Variants in DENND2A observed in about 807,000 individuals in gnomAD.
DENND2A encodes the protein DENN domain containing 2A, also known as DENN domain-containing protein 2A.
DENND2A carries 53 observed loss-of-function variants against 105.3 expected under a neutral mutation model. That is an observed-to-expected ratio of 0.50 (90% CI 0.40 to 0.63). The LOEUF (loss-of-function observed/expected upper bound fraction) is 0.63. Among genes scored for constraint, DENND2A ranks in the 30% least tolerant of loss-of-function variants. The probability of loss-of-function intolerance (pLI) is 0.00; values close to 1 mark genes in which losing one functional copy is unlikely to be tolerated. For synonymous variants in DENND2A, 522 were observed against 508.4 expected (o/e 1.03, Z -0.36); for missense variants, 1,138 against 1,279.6 (o/e 0.89, Z 1.69).
At chr7:140,633,213 A>G (rs187905265) in intron 1 of DENND2A, among the ~76,000 whole-genome samples, 11 of 152,218 alleles carry the variant, frequency 7.2e-5, no homozygotes, top group Admixed American at 2.6e-4. Flanking sequence ...TATTTTTAGT[A>G]GAGATGGGGT....
At chr7:140,552,509 GCTCAGC>G (rs991985746) in intron 12 of DENND2A, among the ~76,000 whole-genome samples, 22 of 150,944 alleles carry the variant, frequency 1.5e-4, no homozygotes, top group African/African-American at 5.4e-4. Flanking sequence ...TCCTCCCACC[GCTCAGC>G]CTCCCAGGTA....
intron 1 of DENND2A, among the ~76,000 whole-genome samples, chr7:140,613,991 T>C (rs898805325): frequency 6.6e-6 from 1 of 152,206 alleles, no homozygotes; most frequent in Non-Finnish European, 1.5e-5. Context: ...TCACCTACCC[T>C]TCTCCCCTTT....
At chr7:140,561,245 T>C (rs1323156014) in intron 9 of DENND2A, among the ~76,000 whole-genome samples, 6 of 152,176 alleles carry the variant, frequency 3.9e-5, no homozygotes, top group Non-Finnish European at 8.8e-5. Flanking sequence ...TAATTATTTA[T>C]CTCATTATTA....
At chr7:140,539,572 C>T (rs1039439520) in intron 14 of DENND2A, among the ~76,000 whole-genome samples, 10 of 152,192 alleles carry the variant, frequency 6.6e-5, no homozygotes, top group South Asian at 2.1e-4. Context: ...GCTTTCCCTC[C>T]GTCCTCTCCA....
chr7:140,560,500 A>C (rs1797569788), intron 9 of DENND2A, among the ~76,000 whole-genome samples: 1 of 152,132 alleles, frequency 6.6e-6, no homozygotes, highest in African/African-American at 2.4e-5. Flanking sequence ...TATCTGACAT[A>C]TCAAAGACTG....
intron 18 of DENND2A, among the ~76,000 whole-genome samples, chr7:140,521,525 C>G (rs1016080526): frequency 1.3e-5 from 2 of 152,142 alleles, no homozygotes; most frequent in African/African-American, 4.8e-5. Context: ...GATCTGCATG[C>G]CTTGGCCTCC....
intron 6 of DENND2A, among the ~76,000 whole-genome samples, chr7:140,573,229 G>C (rs944124192): frequency 6.6e-6 from 1 of 152,182 alleles, no homozygotes; most frequent in Non-Finnish European, 1.5e-5. Flanking sequence ...GACCCTAAGA[G>C]GGTAGAGGAG....
chr7:140,590,377 C>T (rs1487846987), intron 3 of DENND2A, among the ~76,000 whole-genome samples: 1 of 151,746 alleles, frequency 6.6e-6, no homozygotes, highest in Non-Finnish European at 1.5e-5. Flanking sequence ...GCGACAGAGA[C>T]TCTGTCTCAA....
At chr7:140,553,401 A>G (rs1797220311) in intron 12 of DENND2A, among the ~76,000 whole-genome samples, 1 of 152,248 alleles carries the variant, frequency 6.6e-6, no homozygotes, top group Non-Finnish European at 1.5e-5. Context: ...TCGAACGTAC[A>G]ATCGGGTTTT....
chr7:140,616,792 T>C (rs181013354), intron 1 of DENND2A, among the ~76,000 whole-genome samples: 119 of 152,328 alleles, frequency 7.8e-4, no homozygotes, highest in Admixed American at 1.2e-3. Context: ...TCATGGGGGC[T>C]ATTTTCATGT....
chr7:140,598,571 A>T (rs1200214484), intron 3 of DENND2A, among the ~76,000 whole-genome samples: 1 of 152,192 alleles, frequency 6.6e-6, no homozygotes, highest in East Asian at 1.9e-4. Context: ...CAACTAACAG[A>T]CTATTAGAAA....
chr7:140,626,293 G>A (rs1800526293), intron 1 of DENND2A, among the ~76,000 whole-genome samples: 1 of 152,170 alleles, frequency 6.6e-6, no homozygotes, highest in Non-Finnish European at 1.5e-5. Context: ...GCCCTGCCTG[G>A]CCAGATCCTC....
In DENND2A at chr7:140,615,760, C is replaced by A. The variant is rs61324665; in HGVS notation, c.-247-9954G>T. ...GGGTTTTGGGGTTTTGCCACGTTGG[C>A]CAGGCTGGTCTTGAACTCCTGAGCT... On this transcript the variant is annotated intron_variant, in intron 1 of 19. Transcript: ENST00000496613. 4.0e-3 allele frequency among the ~76,000 whole-genome samples: 597 copies of A among 151,050 alleles called. 2 individuals carry two copies. Among genetic ancestry groups the A allele is most frequent in the African/African-American group, 0.014 (555 of 41,066 alleles).
Position 140,525,778 on chromosome 7 carries a change from G to A in DENND2A, c.2520C>T (p.Asp840=), listed in dbSNP as rs61737086. The A allele has an allele frequency of 8.3e-3, 13,272 of 1,605,250 alleles. 798 individuals are homozygous for A. The African/African-American group carries it at 0.14, about 17-fold the overall frequency. ...ELPLEEVLVV[D]LVNSRFLRQM... ...GTCTGAGGAACCGGCTGTTGACGAG[G>A]TCAACCACAAGGACCTATGAGATGA... is the stretch of plus-strand genomic sequence containing the variant. Residue 840 remains aspartate, a synonymous_variant, in exon 16 of 20, where the codon GAC becomes GAT. Transcript: ENST00000496613.
chr7:140,560,810 T>C (rs1260190389), intron 9 of DENND2A, among the ~76,000 whole-genome samples: 1 of 151,934 alleles, frequency 6.6e-6, no homozygotes, highest in African/African-American at 2.4e-5. Flanking sequence ...GGCCGGCACC[T>C]GTAGTCCCAG....
intron 14 of DENND2A, among the ~76,000 whole-genome samples, chr7:140,542,746 A>G (rs539351084): frequency 2.0e-5 from 3 of 152,042 alleles, no homozygotes; most frequent in Admixed American, 6.6e-5. Context: ...TTGTATTTTT[A>G]GTAGAGACGG....
chr7:140,557,568 T>C (rs1463373070), intron 11 of DENND2A, among the ~76,000 whole-genome samples: 1 of 101,202 alleles, frequency 9.9e-6, no homozygotes, highest in Non-Finnish European at 2.0e-5. Flanking sequence ...GAGACGGAGT[T>C]TCGCTCTGTC....
chr7:140,631,891 GCGGTCACCACCC>G (rs1322302953), intron 1 of DENND2A, among the ~76,000 whole-genome samples: 4 of 152,018 alleles, frequency 2.6e-5, no homozygotes, highest in Non-Finnish European at 5.9e-5. Flanking sequence ...TTCTATCTTC[GCGGTCACCACCC>G]CGACCAAATC....
chr7:140,637,060 G>C (rs963353759), intron 1 of DENND2A, among the ~76,000 whole-genome samples: 1 of 151,918 alleles, frequency 6.6e-6, no homozygotes, highest in African/African-American at 2.4e-5. Flanking sequence ...GGGTTGGCCA[G>C]GCTGGTCTCA....
Sources: gnomAD v4.1 joint callset for allele counts (sites outside exome capture counted in the v4.1 genomes callset) on GRCh38, gnomAD v4.1.1 for gene constraint, MANE v1.5 for transcripts, NCBI Gene and HGNC (gene_info 2026-07-23, HGNC 2026-07-21) for gene names.